The following CELF2 variants were observed in gnomAD, a reference collection of about 807,000 sequenced individuals.
The protein encoded by CELF2 is CUG triplet repeat RNA-binding protein 2.
In CELF2, 8 loss-of-function variants were observed where a neutral mutation model predicts 62.6. The observed-to-expected ratio is 0.13, with a 90% CI of 0.07 to 0.23. CELF2 has a LOEUF of 0.23. CELF2 is among the 10% of genes least tolerant of loss of function. The probability of loss-of-function intolerance (pLI) is 1.00; values close to 1 mark genes in which losing one functional copy is unlikely to be tolerated. For missense variants in CELF2, 333 were observed against 671.0 expected (o/e 0.50, Z 5.56); for synonymous variants, 258 against 250.0 (o/e 1.03, Z -0.30).
At chr10:10,605,884 G>C in the CELF2 span, among the ~76,000 whole-genome samples, 1 of 152,200 alleles carries the variant, frequency 6.6e-6, no homozygotes, top group African/African-American at 2.4e-5. Flanking sequence ...AACTGCGATA[G>C]GGCCTAGGAA....
the CELF2 span, among the ~76,000 whole-genome samples, chr10:10,622,023 T>C: frequency 6.6e-6 from 1 of 152,322 alleles, no homozygotes; most frequent in East Asian, 1.9e-4. Context: ...AACGAAGTAA[T>C]TCACAGCCCA....
At chr10:10,951,630 G>A (rs772899133) in intron 2 of CELF2, among the ~76,000 whole-genome samples, 14 of 152,138 alleles carry the variant, frequency 9.2e-5, no homozygotes, top group African/African-American at 2.4e-4. Context: ...CAATTCACCC[G>A]GTGTTCAGTC....
At chr10:10,619,882 T>G in the CELF2 span, among the ~76,000 whole-genome samples, 1 of 152,156 alleles carries the variant, frequency 6.6e-6, no homozygotes, top group Non-Finnish European at 1.5e-5. Context: ...TTGTCGGTAA[T>G]GACAGGGATG....
At chr10:10,806,153 G>A (rs1590591517) in intron 1 of CELF2, among the ~76,000 whole-genome samples, 2 of 151,656 alleles carry the variant, frequency 1.3e-5, no homozygotes, top group South Asian at 2.1e-4. Context: ...ATGTCACCAC[G>A]AAGGGTATTT....
chr10:10,571,917 G>A, the CELF2 span, among the ~76,000 whole-genome samples: 1 of 152,094 alleles, frequency 6.6e-6, no homozygotes, highest in Admixed American at 6.6e-5. Context: ...ATAAAGAGAG[G>A]GAGGACACAG....
chr10:10,470,570 C>T, the CELF2 span, among the ~76,000 whole-genome samples: 2 of 151,814 alleles, frequency 1.3e-5, no homozygotes, highest in Non-Finnish European at 2.9e-5. Flanking sequence ...GACCTGTAGA[C>T]TTCCTCCTCA....
chr10:10,922,654 G>C (rs1295371020), intron 2 of CELF2: 1 of 152,186 alleles, frequency 6.6e-6, no homozygotes, highest in Non-Finnish European at 1.5e-5. Context: ...TCTTAGGTTT[G>C]GTGGGTGGTA....
chr10:11,161,213 A>G (rs1031126476), intron 1 of CELF2, among the ~76,000 whole-genome samples: 2 of 152,220 alleles, frequency 1.3e-5, no homozygotes, highest in Admixed American at 6.5e-5. Flanking sequence ...TGACACTGAG[A>G]ATACTATTGC....
chr10:11,092,669 C>T (rs763910866), intron 1 of CELF2, among the ~76,000 whole-genome samples: 3 of 152,168 alleles, frequency 2.0e-5, no homozygotes, highest in Admixed American at 1.3e-4. Context: ...CCTGTTTCTT[C>T]AGAGATAAGG....
chr10:11,104,769 C>G (rs1383695218), intron 1 of CELF2, among the ~76,000 whole-genome samples: 3 of 152,214 alleles, frequency 2.0e-5, no homozygotes, highest in Admixed American at 2.0e-4. Flanking sequence ...AGATACAATT[C>G]ATTTTCTAAT....
At chr10:11,170,730 G>A (rs1339580007) in intron 2 of CELF2, among the ~76,000 whole-genome samples, 1 of 152,162 alleles carries the variant, frequency 6.6e-6, no homozygotes, top group Non-Finnish European at 1.5e-5. Context: ...GAAGTTGGCA[G>A]ATATGGAAAG....
chr10:10,762,676 G>C, the CELF2 span, among the ~76,000 whole-genome samples: 27 of 152,104 alleles, frequency 1.8e-4, no homozygotes, highest in African/African-American at 6.3e-4. Flanking sequence ...TATGCCAGTG[G>C]GCTTTAATAT....
chr10:10,782,475 G>C, the CELF2 span, among the ~76,000 whole-genome samples: 1 of 152,158 alleles, frequency 6.6e-6, no homozygotes, highest in African/African-American at 2.4e-5. Flanking sequence ...ACATTGGGGA[G>C]GGCCATCTGC....
intron 1 of CELF2, among the ~76,000 whole-genome samples, chr10:10,835,406 G>A (rs2058202449): frequency 6.8e-6 from 1 of 146,132 alleles, no homozygotes. Flanking sequence ...TTTCTGATAT[G>A]AAGTTTTGCT....
At chr10:10,861,358 A>G (rs544686408) in intron 1 of CELF2, among the ~76,000 whole-genome samples, 28 of 152,262 alleles carry the variant, frequency 1.8e-4, no homozygotes, top group African/African-American at 6.7e-4. Flanking sequence ...ACAGGCATGA[A>G]CCACTGTGCC....
chr10:10,776,501 A>C, the CELF2 span: 2 of 154,040 alleles, frequency 1.3e-5, no homozygotes, highest in African/African-American at 4.8e-5. Context: ...ATTCATCCCC[A>C]GATTATGTAT....
chr10:10,710,958 G>A, the CELF2 span, among the ~76,000 whole-genome samples: 2 of 152,276 alleles, frequency 1.3e-5, no homozygotes, highest in East Asian at 1.9e-4. Flanking sequence ...GGTTTTTAGA[G>A]TTTTTCTTTA....
chr10:11,136,692 G>T (rs1417586098), intron 1 of CELF2, among the ~76,000 whole-genome samples: 1 of 152,214 alleles, frequency 6.6e-6, no homozygotes, highest in Non-Finnish European at 1.5e-5. Flanking sequence ...TGCTAAGTGA[G>T]TAAGGCTAAC....
chr10:10,567,767 T>G, the CELF2 span, among the ~76,000 whole-genome samples: 1 of 152,146 alleles, frequency 6.6e-6, no homozygotes, highest in Non-Finnish European at 1.5e-5. Flanking sequence ...GTGGCCCCCT[T>G]GAGCGGAGAT....
Sources: allele counts gnomAD v4.1 joint callset (sites outside exome capture counted in the v4.1 genomes callset), GRCh38; gene constraint gnomAD v4.1.1; transcripts MANE v1.5; gene names NCBI Gene and HGNC (gene_info 2026-07-23, HGNC 2026-07-21).